STT3B: variants seen among roughly 807,000 people sequenced by gnomAD.
The protein encoded by STT3B is STT3 oligosaccharyltransferase complex catalytic subunit B.
STT3B carries 29 observed loss-of-function variants against 96.8 expected under a neutral mutation model. The observed-to-expected ratio is 0.30, with a 90% CI of 0.22 to 0.41. STT3B has a LOEUF of 0.41. STT3B is among the 10% of genes least tolerant of loss of function. STT3B has a pLI of 1.00. For missense variants in STT3B, 640 were observed against 1,022.3 expected (o/e 0.63, Z 5.10); for synonymous variants, 367 against 360.0 (o/e 1.02, Z -0.22).
intron 3 of STT3B, among the ~76,000 whole-genome samples, chr3:31,581,771 T>G (rs945122481): frequency 8.5e-5 from 13 of 152,188 alleles, no homozygotes; most frequent in Non-Finnish European, 1.9e-4. Flanking sequence ...GGATTAGTGT[T>G]GGTTCAGTTC....
Position 31,548,176 on chromosome 3 carries a change from G to A in STT3B, c.314+14864G>A, listed in dbSNP as rs79803319. Among the ~76,000 whole-genome samples, 554 of 152,222 alleles carry A rather than the reference G, an allele frequency of 3.6e-3. 7 individuals are homozygous for A. Among genetic ancestry groups the A allele is most frequent in the East Asian group, 0.019 (100 of 5,174 alleles). ...CCATTTTAAGTGTCTTAAAGAGGTA[G>A]TTATTCTTGCCTAAGAAGTAAACTA... On this transcript the variant is annotated intron_variant, in intron 1 of 15. Transcript: ENST00000295770.
intron 5 of STT3B, 36 bp from the exon 6 acceptor site, chr3:31,615,069 A>G: frequency 7.7e-7 from 1 of 1,296,046 alleles, no homozygotes; most frequent in Non-Finnish European, 1.1e-6. Context: ...TAATGGTAGT[A>G]GTAAATTATC....
intron 9 of STT3B, among the ~76,000 whole-genome samples, chr3:31,620,757 T>G (rs1007800752): frequency 8.5e-5 from 13 of 152,224 alleles, no homozygotes; most frequent in Non-Finnish European, 1.5e-4. Context: ...CTTTATCACG[T>G]GCACAGGATC....
chr3:31,602,344 GA>G (rs1372175136), intron 5 of STT3B, among the ~76,000 whole-genome samples: 2 of 151,920 alleles, frequency 1.3e-5, no homozygotes, highest in Admixed American at 6.6e-5. Context: ...AAGGAACTAA[GA>G]GGGTGTTTTG....
chr3:31,541,089 A>G (rs1385536014), intron 1 of STT3B, among the ~76,000 whole-genome samples: 1 of 152,260 alleles, frequency 6.6e-6, no homozygotes, highest in African/African-American at 2.4e-5. Flanking sequence ...CTTTGAAAAT[A>G]AGTCTTAAAT....
At chr3:31,576,630 T>C (rs989429992) in intron 2 of STT3B, 126 bp downstream of exon 2, 1 of 507,682 alleles carries the variant, frequency 2.0e-6, no homozygotes, top group African/African-American at 2.0e-5. Context: ...CTGTGGCTTA[T>C]TATCCAGTAT....
intron 2 of STT3B, 37 bp downstream of exon 2, chr3:31,576,541 A>G (rs779463335): frequency 4.9e-6 from 6 of 1,217,406 alleles, no homozygotes; most frequent in Non-Finnish European, 7.0e-6. Context: ...TAATTATAAC[A>G]TTTATTGTTA....
At chr3:31,576,633 T>A in intron 2 of STT3B, 129 bp downstream of exon 2, 1 of 503,830 alleles carries the variant, frequency 2.0e-6, no homozygotes, top group Non-Finnish European at 3.4e-6. Context: ...TGGCTTATTA[T>A]CCAGTATTCA....
At chr3:31,556,076 A>G (rs1267037619) in intron 1 of STT3B, among the ~76,000 whole-genome samples, 1 of 151,226 alleles carries the variant, frequency 6.6e-6, no homozygotes, top group Non-Finnish European at 1.5e-5. Context: ...TACTTTGCCT[A>G]GCCTCTGGTA....
intron 5 of STT3B, 96 bp from the exon 6 acceptor site, chr3:31,615,008 TA>T (rs1699274920): frequency 1.6e-6 from 1 of 634,390 alleles, no homozygotes; most frequent in East Asian, 3.0e-5. Context: ...TAAATTCAGT[TA>T]ATACTTTGCT....
chr3:31,572,020 TA>T (rs1698158068), intron 1 of STT3B, among the ~76,000 whole-genome samples: 2 of 45,134 alleles, frequency 4.4e-5, no homozygotes, highest in South Asian at 2.3e-3. Context: ...TTAAACATAT[TA>T]ATATATATTA....
At position 31,543,225 on chromosome 3, in the gene STT3B, G is replaced by A. The variant is rs1416882865; in HGVS notation, c.314+9913G>A. On this transcript the variant is annotated intron_variant, in intron 1 of 15. Coordinates refer to ENST00000295770, the MANE Select transcript of STT3B (RefSeq NM_178862.3). Reference sequence around the variant, plus strand: ...TAGGACTGTTTATTTGGCTAACTAGGCCAGAGCCATTTTGAAGATTTTAAC... The same window carrying A: ...TAGGACTGTTTATTTGGCTAACTAGACCAGAGCCATTTTGAAGATTTTAAC... 2.0e-5 allele frequency among the ~76,000 whole-genome samples: 3 copies of A among 152,034 alleles called. No individual in the cohort carries two copies. The East Asian group carries it at 5.8e-4, about 29-fold the overall frequency.
chr3:31,559,437 C>G (rs1350477582), intron 1 of STT3B, among the ~76,000 whole-genome samples: 2 of 150,738 alleles, frequency 1.3e-5, no homozygotes, highest in African/African-American at 4.9e-5. Flanking sequence ...TTATTTTCTC[C>G]TTTAAAATTT....
chr3:31,567,209 GC>G (rs1698026837), intron 1 of STT3B, among the ~76,000 whole-genome samples: 1 of 152,152 alleles, frequency 6.6e-6, no homozygotes, highest in Non-Finnish European at 1.5e-5. Flanking sequence ...CCTTAAGGGG[GC>G]ACTGTGTTGA....
rs149591558 is a variant in STT3B, at chr3:31,541,066, G to A, written c.314+7754G>A. Among the ~76,000 whole-genome samples the A allele has an allele frequency of 6.4e-3, 976 of 152,268 alleles. 25 individuals carry two copies. The highest frequency in any genetic ancestry group is 0.055 in the Admixed American group (846 of 15,296). The stretch of plus-strand genomic sequence containing the variant: ...CAGAACTATGGGAGGCAGCACTCTT[G>A]TACAGTTATATTCTTTGAAAATAAG... On this transcript the variant is annotated intron_variant, in intron 1 of 15. Coordinates refer to ENST00000295770, the MANE Select transcript of STT3B (RefSeq NM_178862.3).
intron 1 of STT3B, among the ~76,000 whole-genome samples, chr3:31,566,773 A>G (rs1698017816): frequency 6.7e-6 from 1 of 150,104 alleles, no homozygotes; most frequent in Non-Finnish European, 1.5e-5. Context: ...TTTCTCCTCT[A>G]CTCCCCCCAG....
chr3:31,616,689 C>T (rs529110650), intron 6 of STT3B, among the ~76,000 whole-genome samples: 97 of 150,180 alleles, frequency 6.5e-4, no homozygotes, highest in African/African-American at 2.2e-3. Context: ...TTTTTTTTCC[C>T]CTTTGGTCTG....
At chr3:31,558,273 C>T (rs1181356496) in intron 1 of STT3B, among the ~76,000 whole-genome samples, 2 of 152,066 alleles carry the variant, frequency 1.3e-5, no homozygotes, top group Non-Finnish European at 2.9e-5. Context: ...TGTGGAAAGG[C>T]TTTCAACTTT....
intron 7 of STT3B, 37 bp from the exon 8 acceptor site, chr3:31,617,903 A>G (rs756745089): frequency 7.0e-7 from 1 of 1,437,876 alleles, no homozygotes. Flanking sequence ...AAATAATAAA[A>G]AGGCAGATTA....
Sources: gnomAD v4.1 joint callset for allele counts (sites outside exome capture counted in the v4.1 genomes callset) on GRCh38, gnomAD v4.1.1 for gene constraint, MANE v1.5 for transcripts, NCBI Gene and HGNC (gene_info 2026-07-23, HGNC 2026-07-21) for gene names.